CAPN13: variants seen among roughly 807,000 people sequenced by gnomAD.
CAPN13 encodes the protein calpain 13, also known as calpain-13.
A neutral mutation model predicts 98.4 loss-of-function variants in CAPN13; 90 were observed. The ratio of observed to expected loss-of-function variants is 0.92; its 90% CI spans 0.77 to 1.09. The LOEUF is 1.09. Among genes scored for constraint, CAPN13 ranks in the 50% least tolerant of loss-of-function variants. The pLI, the probability that CAPN13 is intolerant of heterozygous loss-of-function variation, is 0.00. For synonymous variants in CAPN13, 330 were observed against 305.5 expected (o/e 1.08, Z -0.84); for missense variants, 887 against 841.3 (o/e 1.05, Z -0.67).
intron 11 of CAPN13, among the ~76,000 whole-genome samples, chr2:30,747,819 T>G (rs1434858335): frequency 2.0e-5 from 3 of 152,224 alleles, no homozygotes; most frequent in African/African-American, 7.2e-5. Flanking sequence ...AACTGTTCTT[T>G]GACATTTAAC....
intron 1 of CAPN13, among the ~76,000 whole-genome samples, chr2:30,794,095 C>A (rs893102711): frequency 2.6e-5 from 4 of 151,052 alleles, no homozygotes; most frequent in Non-Finnish European, 5.9e-5. Flanking sequence ...TTAAAAGACA[C>A]CATTAAAAAA....
intron 11 of CAPN13, among the ~76,000 whole-genome samples, chr2:30,747,633 G>A (rs1467095731): frequency 6.6e-6 from 1 of 152,210 alleles, no homozygotes; most frequent in Non-Finnish European, 1.5e-5. Context: ...CAGCAACTGG[G>A]GAGTCACAGA....
At chr2:30,750,131 C>A (rs1300546134) in intron 11 of CAPN13, among the ~76,000 whole-genome samples, 3 of 152,100 alleles carry the variant, frequency 2.0e-5, no homozygotes, top group Non-Finnish European at 4.4e-5. Context: ...ATTATGCAGC[C>A]ACAAAAACAG....
chr2:30,728,887 G>C (rs1385119000), intron 22 of CAPN13, among the ~76,000 whole-genome samples: 1 of 152,154 alleles, frequency 6.6e-6, no homozygotes, highest in Non-Finnish European at 1.5e-5. Context: ...AGGGAGAGTG[G>C]GAAGTGAGAA....
At chr2:30,760,939 T>A (rs986162267) in intron 7 of CAPN13, among the ~76,000 whole-genome samples, 4 of 152,248 alleles carry the variant, frequency 2.6e-5, no homozygotes, top group African/African-American at 9.6e-5. Flanking sequence ...CCGAGTTATC[T>A]ACCCTGCAGT....
intron 7 of CAPN13, among the ~76,000 whole-genome samples, chr2:30,762,725 A>T (rs2148019183): frequency 6.6e-6 from 1 of 152,348 alleles, no homozygotes; most frequent in Admixed American, 6.5e-5. Context: ...CTTGCATGTA[A>T]CAAATAAAAC....
At chr2:30,781,057 G>A (rs1673961702) in intron 2 of CAPN13, among the ~76,000 whole-genome samples, 1 of 152,230 alleles carries the variant, frequency 6.6e-6, no homozygotes, top group Admixed American at 6.5e-5. Context: ...CAGACAGGGA[G>A]ACTGCTGTGT....
At chr2:30,801,132 C>T (rs1367624389) in intron 1 of CAPN13, among the ~76,000 whole-genome samples, 1 of 152,072 alleles carries the variant, frequency 6.6e-6, no homozygotes, top group African/African-American at 2.4e-5. Context: ...CCAGGCAGAC[C>T]CTCGGCTCCG....
intron 5 of CAPN13, 30 bp from the exon 6 acceptor site, chr2:30,764,336 G>A: frequency 6.2e-7 from 1 of 1,607,258 alleles, no homozygotes; most frequent in Non-Finnish European, 8.5e-7. Context: ...GAACCATCGT[G>A]GTGCCTTTGG....
At position 30,743,795 on chromosome 2, in the gene CAPN13, A is replaced by G. The variant is rs562404531; in HGVS notation, c.1249-216T>C. ...CCCTGGACACAATGGATGCAAGGAA[A>G]TACCACACACAGTTTCATCTCATTG... On this transcript the variant is annotated intron_variant, in intron 12 of 22. Coordinates refer to ENST00000295055, the MANE Select transcript of CAPN13 (RefSeq NM_144575.3). 35 of 673,686 alleles carry G rather than the reference A, an allele frequency of 5.2e-5. 1 individual carries two copies. The Middle Eastern group carries it at 1.0e-3, about 19-fold the overall frequency. The allele number at this position is 673,686 out of a possible 1,614,324, so 41.7% of individuals were successfully genotyped here.
chr2:30,765,515 G>T (rs1673067529), intron 5 of CAPN13, among the ~76,000 whole-genome samples: 1 of 152,182 alleles, frequency 6.6e-6, no homozygotes, highest in South Asian at 2.1e-4. Context: ...CAGGACCTGG[G>T]TCTATCCTGC....
intron 1 of CAPN13, among the ~76,000 whole-genome samples, chr2:30,796,511 A>G (rs1674892075): frequency 6.6e-6 from 1 of 151,974 alleles, no homozygotes; most frequent in South Asian, 2.1e-4. Flanking sequence ...CTACATTTTT[A>G]TCTTGGTCCT....
At chr2:30,782,642 C>T (rs1572865478) in intron 2 of CAPN13, among the ~76,000 whole-genome samples, 1 of 152,330 alleles carries the variant, frequency 6.6e-6, no homozygotes, top group East Asian at 1.9e-4. Context: ...GGCAGTGCCT[C>T]CCTCTAGGAT....
intron 7 of CAPN13, among the ~76,000 whole-genome samples, chr2:30,758,913 TTC>T (rs1446727316): frequency 2.9e-5 from 4 of 139,876 alleles, no homozygotes; most frequent in African/African-American, 5.2e-5. Context: ...TCGTCTTCCC[TTC>T]TTTCTTTCCT....
chr2:30,762,234 C>A (rs1007214077), intron 7 of CAPN13, among the ~76,000 whole-genome samples: 5 of 152,172 alleles, frequency 3.3e-5, no homozygotes, highest in African/African-American at 1.2e-4. Context: ...CCTTTATGAA[C>A]GGAGAAGGTT....
intron 14 of CAPN13, 79 bp downstream of exon 14, chr2:30,742,245 GGT>G: frequency 6.9e-7 from 1 of 1,451,616 alleles, no homozygotes; most frequent in Non-Finnish European, 9.5e-7. Context: ...GGCAGCGGGA[GGT>G]GTAAAGAAGG....
intron 2 of CAPN13, among the ~76,000 whole-genome samples, chr2:30,779,953 G>T (rs1673903726): frequency 6.6e-6 from 1 of 152,068 alleles, no homozygotes; most frequent in Non-Finnish European, 1.5e-5. Flanking sequence ...ATATGGTAGA[G>T]AAACCCAAAT....
At chr2:30,805,637 CTG>C (rs1675574211) in intron 1 of CAPN13, among the ~76,000 whole-genome samples, 2 of 152,082 alleles carry the variant, frequency 1.3e-5, no homozygotes, top group Middle Eastern at 3.4e-3. Flanking sequence ...GATGAGGAAA[CTG>C]GGACCCCCAA....
chr2:30,726,474 A>G (rs1361660143), intron 22 of CAPN13, among the ~76,000 whole-genome samples: 1 of 152,236 alleles, frequency 6.6e-6, no homozygotes, highest in Non-Finnish European at 1.5e-5. Flanking sequence ...TTTTGAATAT[A>G]TAAAATTCTA....
Sources: allele counts gnomAD v4.1 joint callset (sites outside exome capture counted in the v4.1 genomes callset), GRCh38; gene constraint gnomAD v4.1.1; transcripts MANE v1.5; gene names NCBI Gene and HGNC (gene_info 2026-07-23, HGNC 2026-07-21).